CPNE4: variants seen among roughly 807,000 people sequenced by gnomAD.
CPNE4 encodes the protein copine 4, also known as copine-4.
CPNE4 carries 25 observed loss-of-function variants against 67.9 expected under a neutral mutation model. The ratio of observed to expected loss-of-function variants is 0.37; its 90% CI spans 0.27 to 0.51. The LOEUF is 0.51. Among genes scored for constraint, CPNE4 ranks in the 20% least tolerant of loss-of-function variants. The pLI is 0.93. For synonymous variants in CPNE4, 242 were observed against 244.9 expected, an observed-to-expected ratio of 0.99 and a Z score of 0.11; for missense variants, 464 against 690.8, an observed-to-expected ratio of 0.67 and a Z score of 3.68.
At chr3:131,817,505 G>A (rs2084791278) in intron 2 of CPNE4, among the ~76,000 whole-genome samples, 1 of 152,180 alleles carries the variant, frequency 6.6e-6, no homozygotes, top group Admixed American at 6.5e-5. Context: ...AACATGTTGG[G>A]CCAAGACAGC....
intron 1 of CPNE4, among the ~76,000 whole-genome samples, chr3:131,976,965 C>A (rs13098930): frequency 6.6e-6 from 1 of 151,982 alleles, no homozygotes; most frequent in African/African-American, 2.4e-5. Flanking sequence ...CCATGTCCGG[C>A]TAATTTTTGT....
At chr3:131,863,026 A>G (rs1393675646) in intron 2 of CPNE4, among the ~76,000 whole-genome samples, 1 of 151,666 alleles carries the variant, frequency 6.6e-6, no homozygotes, top group Non-Finnish European at 1.5e-5. Flanking sequence ...TGTCCCTACA[A>G]AAGACATGAA....
intron 2 of CPNE4, among the ~76,000 whole-genome samples, chr3:131,788,386 AT>A (rs1288588919): frequency 6.6e-6 from 1 of 152,186 alleles, no homozygotes; most frequent in Non-Finnish European, 1.5e-5. Context: ...AAAAATACAA[AT>A]GATGAAGAGC....
intron 1 of CPNE4, among the ~76,000 whole-genome samples, chr3:132,027,471 C>T (rs1168829941): frequency 6.6e-6 from 1 of 151,556 alleles, no homozygotes; most frequent in East Asian, 1.9e-4. Flanking sequence ...TTATTAGTTG[C>T]CAAAAAATCA....
At chr3:131,910,267 G>T (rs747502) in intron 1 of CPNE4, among the ~76,000 whole-genome samples, 25 of 151,968 alleles carry the variant, frequency 1.6e-4, no homozygotes, top group African/African-American at 5.5e-4. Context: ...TATTTCTTCC[G>T]AACTCCTACC....
intron 2 of CPNE4, among the ~76,000 whole-genome samples, chr3:131,802,277 T>C (rs1254242954): frequency 2.6e-5 from 4 of 152,278 alleles, no homozygotes; most frequent in South Asian, 2.1e-4. Flanking sequence ...GTTATACTAG[T>C]AGAGCATTTC....
intron 15 of CPNE4, among the ~76,000 whole-genome samples, chr3:131,541,256 A>C (rs1233023342): frequency 6.6e-6 from 1 of 152,194 alleles, no homozygotes; most frequent in Non-Finnish European, 1.5e-5. Flanking sequence ...GGCTTTTATG[A>C]ATTCAAGATG....
chr3:131,778,941 A>G (rs2083361380), intron 2 of CPNE4, among the ~76,000 whole-genome samples: 1 of 152,090 alleles, frequency 6.6e-6, no homozygotes, highest in African/African-American at 2.4e-5. Flanking sequence ...AAAACCTCAC[A>G]GTCTCTGCTG....
chr3:131,731,504 A>C, intron 2 of CPNE4, among the ~76,000 whole-genome samples: 1 of 151,604 alleles, frequency 6.6e-6, no homozygotes, highest in South Asian at 2.1e-4. Context: ...TACATCTTCC[A>C]GTGCCAAATG....
intron 13 of CPNE4, among the ~76,000 whole-genome samples, chr3:131,550,895 T>C (rs562784425): frequency 6.6e-6 from 1 of 152,264 alleles, no homozygotes; most frequent in Admixed American, 6.5e-5. Flanking sequence ...GTCCTATCTA[T>C]ACAGCTTCTC....
chr3:131,942,449 TGTGTGTGTGTGTGTGAGA>T (rs1269558921), intron 1 of CPNE4, among the ~76,000 whole-genome samples: 5 of 61,714 alleles, frequency 8.1e-5, no homozygotes, highest in African/African-American at 2.2e-4. Flanking sequence ...TGTGTGTGTG[TGTGTGTGTGTGTGTGAGA>T]GAGAGAGAGA....
intron 7 of CPNE4, among the ~76,000 whole-genome samples, chr3:131,592,796 C>T (rs749501583): frequency 4.6e-5 from 7 of 152,016 alleles, no homozygotes; most frequent in Admixed American, 1.3e-4. Flanking sequence ...GTTTAGTGAG[C>T]ACACCAAACA....
chr3:131,605,097 T>C lies in CPNE4; in HGVS notation c.682-17515A>G, dbSNP rs1393557. Among the ~76,000 whole-genome samples the C allele has an allele frequency of 4.3e-3, 656 of 152,226 alleles. 3 individuals carry two copies. The highest frequency in any genetic ancestry group is 0.015 in the African/African-American group (606 of 41,526). ...AGCCCAGGAATGCTAGGTAACTTTA[T>C]TGAGATTATTAAGCTAGAAAGGGAT... On this transcript the variant is annotated intron_variant, in intron 7 of 15. Coordinates refer to ENST00000429747, the MANE Select transcript of CPNE4 (RefSeq NM_130808.3).
intron 1 of CPNE4, among the ~76,000 whole-genome samples, chr3:131,912,874 ATGT>A (rs1034443523): frequency 1.2e-4 from 19 of 152,198 alleles, no homozygotes; most frequent in African/African-American, 4.3e-4. Context: ...CTGCTCCCAG[ATGT>A]TGTTGATCCT....
intron 1 of CPNE4, among the ~76,000 whole-genome samples, chr3:131,932,999 A>C (rs1057452902): frequency 6.6e-6 from 1 of 152,110 alleles, no homozygotes; most frequent in Admixed American, 6.6e-5. Context: ...ACAGAGCGAG[A>C]CTCTATCTCA....
chr3:131,608,005 G>C (rs1268981253), intron 7 of CPNE4, among the ~76,000 whole-genome samples: 1 of 152,106 alleles, frequency 6.6e-6, no homozygotes, highest in Non-Finnish European at 1.5e-5. Context: ...GTCAATAATT[G>C]TTAAGATTAG....
Position 131,670,657 on chromosome 3 carries a change from C to T in CPNE4, c.592-893G>A, listed in dbSNP as rs138654313. Among the ~76,000 whole-genome samples, 313 of 152,336 alleles carry T rather than the reference C, an allele frequency of 2.1e-3. 1 individual carries two copies. Among genetic ancestry groups the T allele is most frequent in the Admixed American group, 3.2e-3 (49 of 15,292 alleles). ...AATTTCTAGTCCCCACCCAGAACTA[C>T]CGACAGACACTCTGGAGGTGGGTCT... On this transcript the variant is annotated intron_variant, in intron 6 of 15. Transcript: ENST00000429747.
At chr3:131,726,591 A>G (rs779647366) in intron 2 of CPNE4, among the ~76,000 whole-genome samples, 2 of 152,022 alleles carry the variant, frequency 1.3e-5, no homozygotes, top group Admixed American at 6.6e-5. Flanking sequence ...CTGGTGCCTA[A>G]TCCAGGTTTC....
chr3:131,860,493 A>T (rs1443919247), intron 2 of CPNE4, among the ~76,000 whole-genome samples: 2 of 152,202 alleles, frequency 1.3e-5, no homozygotes, highest in Non-Finnish European at 2.9e-5. Context: ...TCTTGCCCCA[A>T]CTCAGAGAAT....
Sources: gnomAD v4.1 joint callset for allele counts (sites outside exome capture counted in the v4.1 genomes callset) on GRCh38, gnomAD v4.1.1 for gene constraint, MANE v1.5 for transcripts, NCBI Gene and HGNC (gene_info 2026-07-23, HGNC 2026-07-21) for gene names.